Variants in OTUD4 observed in about 807,000 individuals in gnomAD.
OTUD4 encodes OTU deubiquitinase 4.
Under a neutral mutation model 130.4 loss-of-function variants are expected in OTUD4, and 24 were observed. That is an observed-to-expected ratio of 0.18 (90% confidence interval 0.13 to 0.26). The LOEUF (loss-of-function observed/expected upper bound fraction) is 0.26. Ranked by LOEUF, OTUD4 falls within the 10% of genes least tolerant of loss-of-function variation. The pLI is 1.00. For synonymous variants in OTUD4, 420 were observed against 472.5 expected (o/e 0.89, Z 1.44); for missense variants, 1,031 against 1,329.4 (o/e 0.78, Z 3.49).
chr4:145,137,848 G>A lies in OTUD4; in HGVS notation c.2927C>T (p.Pro976Leu). The A allele has an allele frequency of 1.2e-6, 2 of 1,614,058 alleles. No individual in the cohort carries two copies. Among genetic ancestry groups the A allele is most frequent in the Non-Finnish European group, 1.7e-6 (2 of 1,180,016 alleles). The change falls in exon 21 of 21, where the codon CCT becomes CTT. Residue 976 changes from proline to leucine, a missense_variant. This residue lies in a region of OTUD4 where 900 missense variants were observed against 1,095.9 expected (regional missense o/e 0.82). Coordinates refer to ENST00000447906, the MANE Select transcript of OTUD4 (RefSeq NM_001366057.1). Reference protein sequence around the residue: ...QILNRERETVPVELEPKRTIQ... With the variant: ...QILNRERETVLVELEPKRTIQ... ...GGTCCTTTTAGGTTCAAGTTCAACA[G>A]GCACAGTTTCTCTCTCTCTGTTTAG...
chr4:145,178,033 A>C (rs1752507690), intron 1 of OTUD4: 1 of 152,250 alleles, frequency 6.6e-6, no homozygotes, highest in Non-Finnish European at 1.5e-5. Flanking sequence ...GTCTTCAGCT[A>C]AGCTCATCAG....
intron 1 of OTUD4, among the ~76,000 whole-genome samples, chr4:145,179,319 C>G (rs538150985): frequency 1.3e-5 from 2 of 152,166 alleles, no homozygotes; most frequent in Non-Finnish European, 2.9e-5. Context: ...CCATTTGATT[C>G]AAGTGACATG....
intron 17 of OTUD4, 94 bp from the exon 18 acceptor site, chr4:145,142,428 C>T (rs1270219062): frequency 6.5e-6 from 7 of 1,069,464 alleles, no homozygotes; most frequent in Non-Finnish European, 9.7e-6. Flanking sequence ...TATTGAGTTG[C>T]CTGCCTTTTA....
At position 145,144,073 on chromosome 4, in the gene OTUD4, G is replaced by A. The variant is rs866077450; in HGVS notation, c.1547-72C>T. The A allele has an allele frequency of 3.4e-5, 42 of 1,243,964 alleles. No homozygotes were observed. The Middle Eastern group carries it at 5.7e-4, about 17-fold the overall frequency. 77.1% of individuals were successfully genotyped at this position (1,243,964 alleles called of 1,614,324 possible). A position where few individuals can be genotyped will look rare whatever the true frequency, so the allele number is the denominator to read the frequency against. On this transcript the variant is annotated intron_variant, in intron 15 of 20. Transcript: ENST00000447906. ...GTCTGAACACAGAAGAACAAAATAC[G>A]AAGATAGAAGAAGCCAAAAGTATTA...
At chr4:145,179,556 A>T in intron 1 of OTUD4, 1 of 1,267,734 alleles carries the variant, frequency 7.9e-7, no homozygotes, top group Non-Finnish European at 1.0e-6. Flanking sequence ...AGCAGGCCTC[A>T]CAAGTTGTCC....
At chr4:145,175,250 G>A (rs1392168699) in intron 1 of OTUD4, among the ~76,000 whole-genome samples, 1 of 152,190 alleles carries the variant, frequency 6.6e-6, no homozygotes, top group East Asian at 1.9e-4. Flanking sequence ...AGTCCACTAT[G>A]GTTTCAGAAA....
chr4:145,164,012 G>A, intron 5 of OTUD4, 142 bp downstream of exon 5: 1 of 524,842 alleles, frequency 1.9e-6, no homozygotes, highest in Non-Finnish European at 3.5e-6. Flanking sequence ...CCGGCTATAG[G>A]AACTTTTAAG....
chr4:145,163,199 C>T (rs1003371814), intron 5 of OTUD4, among the ~76,000 whole-genome samples: 1 of 152,074 alleles, frequency 6.6e-6, no homozygotes, highest in African/African-American at 2.4e-5. Context: ...TTTGAAAAAG[C>T]CAGATCCCTT....
chr4:145,157,402 T>C (rs1447119162), intron 7 of OTUD4, among the ~76,000 whole-genome samples: 1 of 152,050 alleles, frequency 6.6e-6, no homozygotes, highest in Admixed American at 6.5e-5. Context: ...CTGATGGTCT[T>C]ACAAAAAAGG....
intron 7 of OTUD4, among the ~76,000 whole-genome samples, chr4:145,156,322 C>T (rs574175369): frequency 6.6e-6 from 1 of 152,274 alleles, no homozygotes; most frequent in East Asian, 1.9e-4. Flanking sequence ...CATGAGGCCC[C>T]GTTTAAAAAC....
In OTUD4 at chr4:145,138,160, T is replaced by C. The variant is rs1247778242; in HGVS notation, c.2615A>G (p.Glu872Gly). Residue 872 changes from glutamate (E) to glycine (G), a missense_variant, in exon 21 of 21, where the codon GAA becomes GGA. Physicochemically the swap from Glu to Gly is moderately conservative, Grantham distance 98. Around this residue, in one of 3 missense-constraint regions of OTUD4, gnomAD observed 900 missense variants for 1,095.9 expected, o/e 0.82. Coordinates refer to ENST00000447906, the MANE Select transcript of OTUD4 (RefSeq NM_001366057.1). ...WYGYPFQGFI[E>G]NPVMRQNIVL... is the part of the protein sequence containing the mutation. Reference sequence around the variant, plus strand: ...AATATTCTGCCTCATTACTGGATTTTCTATGAATCCCTGAAAAGGGTACCC... The same window carrying C: ...AATATTCTGCCTCATTACTGGATTTCCTATGAATCCCTGAAAAGGGTACCC... 6.2e-7 allele frequency: 1 copy of C among 1,613,904 alleles called. No homozygotes were observed. The highest frequency in any genetic ancestry group is 8.5e-7 in the Non-Finnish European group (1 of 1,179,888).
intron 15 of OTUD4, 36 bp downstream of exon 15, chr4:145,144,275 C>G (rs780252168): frequency 1.3e-6 from 2 of 1,596,566 alleles, no homozygotes; most frequent in East Asian, 4.5e-5. Flanking sequence ...CTAAAGAGAT[C>G]TCTAGCATCT....
Position 145,136,583 on chromosome 4 carries a change from A to G in OTUD4, c.*847T>C, listed in dbSNP as rs2126730001. The stretch of plus-strand genomic sequence containing the variant: ...CATTAGTGTTAAAGTGGCATTAAAA[A>G]AACTTCTGCAGTTCTAACTGATGCA... On this transcript the variant is annotated 3_prime_UTR_variant, in exon 21 of 21. Transcript: ENST00000447906. The G allele has an allele frequency of 6.6e-6, 1 of 151,606 alleles. No homozygotes were observed. Among genetic ancestry groups the G allele is most frequent in the Admixed American group, 6.7e-5 (1 of 14,986 alleles). The allele number at this position is 151,606 out of a possible 1,614,324, so 9.4% of individuals were successfully genotyped here.
chr4:145,178,830 G>A (rs1233197789), intron 1 of OTUD4, among the ~76,000 whole-genome samples: 1 of 152,200 alleles, frequency 6.6e-6, no homozygotes, highest in Admixed American at 6.5e-5. Context: ...CAAAAAAGGT[G>A]AGGGAAAAGA....
rs1210216975 is a variant in OTUD4, at chr4:145,143,439, T to C, written c.1609A>G (p.Thr537Ala). 21 of 1,602,238 alleles carry C rather than the reference T, an allele frequency of 1.3e-5. No homozygotes were observed. Among genetic ancestry groups the C allele is most frequent in the Non-Finnish European group, 1.6e-5 (19 of 1,171,092 alleles). The change falls in exon 17 of 21, where the codon ACT (threonine) becomes GCT (alanine). Residue 537 changes from threonine (T) to alanine (A), a missense_variant. By Grantham distance (58) the Thr-to-Ala change is moderately conservative. This residue lies in a region of OTUD4 where 900 missense variants were observed against 1,095.9 expected (regional missense o/e 0.82). Transcript: ENST00000447906. ...GAAACTGTTGCATATTTATCATCAG[T>C]AATATTCTTTGGAAGCAAAAAAGAA... The part of the protein sequence containing the change: ...RPEPSTLENI[T>A]DDKYATVSSP...
At chr4:145,142,997 C>A (rs545268326) in intron 17 of OTUD4, among the ~76,000 whole-genome samples, 1 of 152,204 alleles carries the variant, frequency 6.6e-6, no homozygotes, top group South Asian at 2.1e-4. Context: ...GCAGATAACT[C>A]TTTTAAATTT....
At chr4:145,155,873 T>C in intron 8 of OTUD4, 63 bp downstream of exon 8, 1 of 1,356,346 alleles carries the variant, frequency 7.4e-7, no homozygotes, top group Non-Finnish European at 1.0e-6. Flanking sequence ...AAAATTAAGA[T>C]TTTAATGTAC....
rs1750162783 is a variant in OTUD4, at chr4:145,134,884, T to C, written c.*2546A>G. 1 of 398,800 alleles carries C rather than the reference T, an allele frequency of 2.5e-6. No homozygotes were observed. Among genetic ancestry groups the C allele is most frequent in the Admixed American group, 4.4e-5 (1 of 22,712 alleles). 24.7% of individuals were successfully genotyped at this position (398,800 alleles called of 1,614,324 possible). A position where few individuals can be genotyped will look rare whatever the true frequency, so the allele number is the denominator to read the frequency against. On this transcript the variant is annotated 3_prime_UTR_variant, in exon 21 of 21. Transcript: ENST00000447906. The stretch of plus-strand genomic sequence containing the variant: ...CTTCAAAATATGTATGATCATAATA[T>C]GGTGAAGTTTCATAATTTCCAACTC...
Position 145,152,573 on chromosome 4 carries a change from A to C in OTUD4, c.936T>G (p.Asn312Lys), listed in dbSNP as rs749528209. ...NADVQGIHSE[N>K]GPVLVEELGK... The stretch of plus-strand genomic sequence containing the variant: ...CCAGTTCTTCAACCAAAACTGGTCC[A>C]TTCTCAGAATGAATTCCTTGAACAT... Residue 312 changes from asparagine (N) to lysine (K), a missense_variant, in exon 11 of 21, where the codon AAT becomes AAG. Around this residue, in one of 3 missense-constraint regions of OTUD4, gnomAD observed 900 missense variants for 1,095.9 expected, o/e 0.82. Coordinates refer to ENST00000447906, the MANE Select transcript of OTUD4 (RefSeq NM_001366057.1). The C allele has an allele frequency of 5.0e-6, 8 of 1,611,280 alleles. No individual in the cohort carries two copies. The highest frequency in any genetic ancestry group is 6.8e-6 in the Non-Finnish European group (8 of 1,177,600).
Sources: allele counts gnomAD v4.1 joint callset (sites outside exome capture counted in the v4.1 genomes callset), GRCh38; gene constraint gnomAD v4.1.1; regional missense constraint gnomAD v4.1.1; transcripts MANE v1.5; gene names NCBI Gene and HGNC (gene_info 2026-07-23, HGNC 2026-07-21).